AP1G1: variants seen among roughly 807,000 people sequenced by gnomAD.
AP1G1 encodes AP-1 complex subunit gamma-1.
In AP1G1, 7 loss-of-function variants were observed where a neutral mutation model predicts 108.3. The ratio of observed to expected loss-of-function variants is 0.06; its 90% confidence interval spans 0.04 to 0.12. The LOEUF (loss-of-function observed/expected upper bound fraction) is 0.12, where lower values mean the gene tolerates loss of function less well. Ranked by LOEUF, AP1G1 falls within the 10% of genes least tolerant of loss-of-function variation. The pLI is 1.00. For synonymous variants in AP1G1, 379 were observed against 353.5 expected (o/e 1.07, Z -0.81); for missense variants, 756 against 1,010.7 (o/e 0.75, Z 3.42).
rs769343527 is a variant in AP1G1, at chr16:71,745,229, T to A, written c.1914A>T (p.Thr638=). The A allele has an allele frequency of 1.1e-5, 17 of 1,614,074 alleles. No individual in the cohort carries two copies. In the African/African-American group the frequency reaches 2.3e-4, roughly 22 times the overall value. ...LLDLLGGNDI[T]PVIPTAPTSK... ...TTGTAGGCGCAGTTGGAATAACAGGTGTTATGTCATTTCCTCCCAACAAAT... is the reference window on the plus strand; with the variant it reads ...TTGTAGGCGCAGTTGGAATAACAGGAGTTATGTCATTTCCTCCCAACAAAT... Residue 638 remains threonine, a synonymous_variant, in exon 19 of 23, where the codon ACA becomes ACT. Coordinates refer to ENST00000299980, the MANE Select transcript of AP1G1 (RefSeq NM_001128.6).
intron 1 of AP1G1, among the ~76,000 whole-genome samples, chr16:71,793,920 G>C (rs1441739901): frequency 3.3e-5 from 5 of 152,090 alleles, no homozygotes; most frequent in Non-Finnish European, 7.3e-5. Context: ...GTTTCATCAT[G>C]TTGCCCAGGC....
intron 6 of AP1G1, 58 bp from the exon 7 acceptor site, chr16:71,765,642 A>G (rs749914580): frequency 1.4e-6 from 2 of 1,390,936 alleles, no homozygotes; most frequent in Non-Finnish European, 2.0e-6. Context: ...TCTCATGAAT[A>G]AGCAGGTCCT....
intron 1 of AP1G1, among the ~76,000 whole-genome samples, chr16:71,807,329 G>A (rs545236272): frequency 6.6e-6 from 1 of 152,362 alleles, no homozygotes; most frequent in Non-Finnish European, 1.5e-5. Context: ...CTACTTGGGA[G>A]GCTGAGGCAG....
intron 16 of AP1G1, 75 bp from the exon 17 acceptor site, chr16:71,746,767 G>C: frequency 8.8e-7 from 1 of 1,134,042 alleles, no homozygotes; most frequent in South Asian, 1.4e-5. Context: ...TGTTTAATAA[G>C]CCAGAATTTT....
chr16:71,782,485 A>ATTATTATTT (rs1555556372), intron 2 of AP1G1, among the ~76,000 whole-genome samples: 64 of 149,966 alleles, frequency 4.3e-4, no homozygotes, highest in African/African-American at 1.3e-3. Flanking sequence ...TATTATTATT[A>ATTATTATTT]TTATTTTTAT....
intron 1 of AP1G1, among the ~76,000 whole-genome samples, chr16:71,801,088 C>G (rs1292785987): frequency 6.6e-6 from 1 of 152,086 alleles, no homozygotes; most frequent in East Asian, 1.9e-4. Context: ...AGGCAGATCA[C>G]TTAAGGTCAG....
rs1250000101 is a variant in AP1G1, at chr16:71,756,169, G to A, written c.1089-10C>T. On this transcript the variant is annotated splice_polypyrimidine_tract_variant and intron_variant, in intron 11 of 22. Coordinates refer to ENST00000299980, the MANE Select transcript of AP1G1 (RefSeq NM_001128.6). ...CAATTCCATTGCACGCCTTGCAGAA[G>A]GGAAAAATTAAAAACAGTTAAGAAA... 2 of 1,599,916 alleles carry A rather than the reference G, an allele frequency of 1.3e-6. No individual in the cohort carries two copies. Among genetic ancestry groups the A allele is most frequent in the Non-Finnish European group, 8.5e-7 (1 of 1,175,288 alleles).
intron 1 of AP1G1, among the ~76,000 whole-genome samples, chr16:71,806,402 G>A (rs951780000): frequency 7.2e-5 from 11 of 152,178 alleles, no homozygotes; most frequent in Non-Finnish European, 1.6e-4. Context: ...ATTTTTAAAA[G>A]TTTAATATTT....
At chr16:71,736,279 C>G (rs2045539139) in intron 21 of AP1G1, among the ~76,000 whole-genome samples, 1 of 149,502 alleles carries the variant, frequency 6.7e-6, no homozygotes, top group South Asian at 2.1e-4. Context: ...AGATAGAAAA[C>G]ATGCTGCCCA....
chr16:71,807,810 A>T, intron 1 of AP1G1: 1 of 1,289,340 alleles, frequency 7.8e-7, no homozygotes, highest in Non-Finnish European at 1.0e-6. Flanking sequence ...CCTCAGATTA[A>T]TATTTTTCTC....
intron 2 of AP1G1, among the ~76,000 whole-genome samples, chr16:71,777,027 T>C (rs1245442934): frequency 6.9e-6 from 1 of 144,430 alleles, no homozygotes; most frequent in Non-Finnish European, 1.5e-5. Flanking sequence ...GAGAATGGTT[T>C]GAAATTTGAA....
At chr16:71,792,986 G>A (rs886578799) in intron 1 of AP1G1, among the ~76,000 whole-genome samples, 12 of 151,990 alleles carry the variant, frequency 7.9e-5, no homozygotes, top group Non-Finnish European at 1.5e-4. Context: ...TGGGCGACAT[G>A]CTGAAACCCT....
intron 1 of AP1G1, chr16:71,807,812 A>AT (rs2033045352): frequency 7.8e-7 from 1 of 1,289,062 alleles, no homozygotes; most frequent in Non-Finnish European, 1.0e-6. Context: ...TCAGATTAAT[A>AT]TTTTTCTCCA....
At chr16:71,751,478 A>G (rs925079889) in intron 13 of AP1G1, 13 of 151,882 alleles carry the variant, frequency 8.6e-5, no homozygotes, top group African/African-American at 3.1e-4. Flanking sequence ...AAAGAAAAAA[A>G]AAAAAAAACA....
rs945589789 is a variant in AP1G1 at position 71,767,815 on chromosome 16, A to G, written c.642+1808T>C. 31 of 1,511,904 alleles carry G rather than the reference A, an allele frequency of 2.1e-5. No homozygotes were observed. In the Admixed American group the frequency reaches 5.2e-4, roughly 26 times the overall value. 93.7% of individuals were successfully genotyped at this position (1,511,904 alleles called of 1,614,324 possible). A position where few individuals can be genotyped will look rare whatever the true frequency, so the allele number is the denominator to read the frequency against. On this transcript the variant is annotated intron_variant, in intron 6 of 22. Coordinates refer to ENST00000299980, the MANE Select transcript of AP1G1 (RefSeq NM_001128.6). ...TTAAAAGCCACATTTGTGGATCGAT[A>G]CACAAAAGCTACTAAGGACCTAATG...
chr16:71,760,439 G>A (rs1206011195), intron 10 of AP1G1, among the ~76,000 whole-genome samples: 1 of 151,850 alleles, frequency 6.6e-6, no homozygotes, highest in African/African-American at 2.4e-5. Context: ...CAGCTACTCG[G>A]GAGGGTGAGG....
rs371959936 is a variant in AP1G1 at position 71,745,549 on chromosome 16, A to G, written c.1796T>C (p.Val599Ala). 43 of 1,614,082 alleles carry G rather than the reference A, an allele frequency of 2.7e-5. No homozygotes were observed. Among genetic ancestry groups the G allele is most frequent in the Non-Finnish European group, 3.5e-5 (41 of 1,180,040 alleles). The change falls in exon 18 of 23, where the codon GTG becomes GCG. Residue 599 changes from valine to alanine, a missense_variant. By Grantham distance (64) the Val-to-Ala change is moderately conservative (BLOSUM62 0). Around this residue, in one of 3 missense-constraint regions of AP1G1, gnomAD observed 357 missense variants for 366.5 expected, o/e 0.97. Transcript: ENST00000299980. ...KVTTNGPTEIVQTNGETEPAP... is the reference protein window; with the variant it reads ...KVTTNGPTEIAQTNGETEPAP... ...TGGTTCTGTCTCTCCATTTGTCTGC[A>G]CAATCTCAGTAGGGCCATTTGTGGT...
intron 13 of AP1G1, 131 bp from the exon 14 acceptor site, chr16:71,750,463 G>A: frequency 8.8e-7 from 1 of 1,139,100 alleles, no homozygotes; most frequent in Non-Finnish European, 1.2e-6. Context: ...CACCCAGGCT[G>A]GAGTGCGATA....
At position 71,808,804 on chromosome 16, in the gene AP1G1, C is replaced by G; in HGVS notation, c.-45G>C. 1 of 1,289,664 alleles carries G rather than the reference C, an allele frequency of 7.8e-7. No homozygotes were observed. The highest frequency in any genetic ancestry group is 1.0e-6 in the Non-Finnish European group (1 of 988,790). 79.9% of individuals were successfully genotyped at this position (1,289,664 alleles called of 1,614,324 possible). A position where few individuals can be genotyped will look rare whatever the true frequency, so the allele number is the denominator to read the frequency against. On this transcript the variant is annotated 5_prime_UTR_variant, in exon 1 of 23. Coordinates refer to ENST00000299980, the MANE Select transcript of AP1G1 (RefSeq NM_001128.6). ...ATGAAACCAGCAGCTCCGGGGGCGG[C>G]GGCAGCAGTGGCAGCAGGAACCGAA... is the stretch of plus-strand genomic sequence containing the variant.
Sources: gnomAD v4.1 joint callset for allele counts (sites outside exome capture counted in the v4.1 genomes callset) on GRCh38, gnomAD v4.1.1 for gene constraint, gnomAD v4.1.1 regional missense constraint, MANE v1.5 for transcripts, NCBI Gene and HGNC (gene_info 2026-07-23, HGNC 2026-07-21) for gene names.